The following ETNK1 variants were observed in gnomAD, a reference collection of about 807,000 sequenced individuals.
ETNK1 encodes the protein putative protein product of Nbla10396.
ETNK1 carries 8 observed loss-of-function variants against 45.1 expected under a neutral mutation model. That is an observed-to-expected ratio of 0.18 (90% CI 0.10 to 0.32). The LOEUF (loss-of-function observed/expected upper bound fraction) is 0.32. ETNK1 is among the 10% of genes least tolerant of loss of function. ETNK1 has a pLI of 1.00. For synonymous variants in ETNK1, 152 were observed against 151.9 expected, an observed-to-expected ratio of 1.00 and a Z score of -0.01; for missense variants, 302 against 430.6, an observed-to-expected ratio of 0.70 and a Z score of 2.64.
chr12:22,639,859 T>G (rs1238110653), intron 1 of ETNK1, among the ~76,000 whole-genome samples: 1 of 152,232 alleles, frequency 6.6e-6, no homozygotes, highest in African/African-American at 2.4e-5. Context: ...TTTTATTCAT[T>G]GAAGATTGTT....
At chr12:22,679,968 A>G (rs375461958) in intron 6 of ETNK1, among the ~76,000 whole-genome samples, 2 of 152,246 alleles carry the variant, frequency 1.3e-5, no homozygotes, top group South Asian at 4.1e-4. Flanking sequence ...TTGGGATTAC[A>G]GGTGTGAGCC....
intron 2 of ETNK1, among the ~76,000 whole-genome samples, chr12:22,649,190 CTT>C (rs1030127574): frequency 1.3e-5 from 2 of 151,966 alleles, no homozygotes; most frequent in African/African-American, 4.8e-5. Context: ...TTGACAGTGT[CTT>C]TTGCAGAGTA....
intron 2 of ETNK1, chr12:22,656,774 T>C: frequency 1.0e-6 from 1 of 982,554 alleles, no homozygotes; most frequent in Non-Finnish European, 1.2e-6. Context: ...ATATTATTTT[T>C]CATTTATTTA....
rs1033118196 is a variant in ETNK1 at position 22,687,184 on chromosome 12, G to T, written c.*2230G>T. Reference sequence around the variant, plus strand: ...TTTTCCCCATTCTGGCTAGATTTTGGTTGTTGTGATGCTCCTACTTCCTGT... The same window carrying T: ...TTTTCCCCATTCTGGCTAGATTTTGTTTGTTGTGATGCTCCTACTTCCTGT... On this transcript the variant is annotated 3_prime_UTR_variant, in exon 8 of 8. Coordinates refer to ENST00000266517, the MANE Select transcript of ETNK1 (RefSeq NM_018638.5). 1 of 152,032 alleles carries T rather than the reference G, an allele frequency of 6.6e-6. No homozygotes were observed. Among genetic ancestry groups the T allele is most frequent in the South Asian group, 2.1e-4 (1 of 4,806 alleles). 9.4% of individuals were successfully genotyped at this position (152,032 alleles called of 1,614,324 possible). A position where few individuals can be genotyped will look rare whatever the true frequency, so the allele number is the denominator to read the frequency against.
rs1953972279 is a variant in ETNK1, at chr12:22,658,993, ATGCGGTTTTGTT to A, written c.417-19_417-8del. On this transcript the variant is annotated splice_polypyrimidine_tract_variant and intron_variant, in intron 2 of 7. Transcript: ENST00000266517. ...TTATGATACTTAAGTTTTTCTTTTT[ATGCGGTTTTGTT>A]TTAAACAGGCTAATAGCTCGTCAGC... 6.3e-7 allele frequency: 1 copy of A among 1,597,772 alleles called. No homozygotes were observed. Among genetic ancestry groups the A allele is most frequent in the African/African-American group, 1.4e-5 (1 of 73,822 alleles).
chr12:22,633,471 T>C (rs1411786415), intron 1 of ETNK1, among the ~76,000 whole-genome samples: 1 of 152,236 alleles, frequency 6.6e-6, no homozygotes, highest in African/African-American at 2.4e-5. Flanking sequence ...ATGTAGTTAT[T>C]ATAGGCTTTG....
intron 6 of ETNK1, among the ~76,000 whole-genome samples, chr12:22,675,774 A>AT (rs1232998929): frequency 2.6e-5 from 4 of 152,216 alleles, no homozygotes; most frequent in Non-Finnish European, 4.4e-5. Flanking sequence ...ATATTAATAA[A>AT]TGTCATACAT....
chr12:22,687,064 TC>T lies in ETNK1; in HGVS notation c.*2111del, dbSNP rs1954266529. The T allele has an allele frequency of 1.3e-5, 2 of 151,648 alleles. No individual in the cohort carries two copies. The highest frequency in any genetic ancestry group is 4.8e-5 in the African/African-American group (2 of 41,358). 9.4% of individuals were successfully genotyped at this position (151,648 alleles called of 1,614,324 possible). A position where few individuals can be genotyped will look rare whatever the true frequency, so the allele number is the denominator to read the frequency against. Reference sequence around the variant, plus strand: ...ACTATTGTAGGTTTTTTGGAGAGATTCATAGGGAAGTGAATGTAACCAGGAA... The same window carrying T: ...ACTATTGTAGGTTTTTTGGAGAGATTATAGGGAAGTGAATGTAACCAGGAA... On this transcript the variant is annotated 3_prime_UTR_variant, in exon 8 of 8. Coordinates refer to ENST00000266517, the MANE Select transcript of ETNK1 (RefSeq NM_018638.5).
chr12:22,646,940 G>A (rs776589163), intron 2 of ETNK1, among the ~76,000 whole-genome samples: 6 of 151,752 alleles, frequency 4.0e-5, no homozygotes, highest in Non-Finnish European at 8.9e-5. Context: ...ACAGGTAGTT[G>A]ATTTTGGGCA....
chr12:22,650,952 T>C (rs1462118271), intron 2 of ETNK1, among the ~76,000 whole-genome samples: 1 of 152,160 alleles, frequency 6.6e-6, no homozygotes, highest in African/African-American at 2.4e-5. Context: ...AGCAGCATTT[T>C]TATCTGGGGT....
At chr12:22,684,745 G>A in intron 7 of ETNK1, 137 bp from the exon 8 acceptor site, 1 of 748,092 alleles carries the variant, frequency 1.3e-6, no homozygotes, top group African/African-American at 1.8e-5. Flanking sequence ...TCCAGTAGGT[G>A]GTGCAATAAA....
chr12:22,643,190 T>C (rs1022196415), intron 1 of ETNK1, among the ~76,000 whole-genome samples: 2 of 152,068 alleles, frequency 1.3e-5, no homozygotes, highest in African/African-American at 4.8e-5. Context: ...AATTAATATA[T>C]AAAATTGAGT....
intron 1 of ETNK1, among the ~76,000 whole-genome samples, chr12:22,639,200 T>G (rs925860479): frequency 2.1e-4 from 32 of 152,242 alleles, no homozygotes; most frequent in Non-Finnish European, 8.8e-5. Flanking sequence ...CTTTGTGGTG[T>G]TTTTTAATTT....
At chr12:22,679,207 C>CCGA (rs1158786133) in intron 6 of ETNK1, among the ~76,000 whole-genome samples, 1 of 152,182 alleles carries the variant, frequency 6.6e-6, no homozygotes, top group Non-Finnish European at 1.5e-5. Flanking sequence ...ACCAGAAGAG[C>CCGA]CGACAGTGCT....
chr12:22,683,803 T>C (rs1954235467), intron 6 of ETNK1, among the ~76,000 whole-genome samples: 1 of 152,188 alleles, frequency 6.6e-6, no homozygotes, highest in South Asian at 2.1e-4. Flanking sequence ...AGAATATTTC[T>C]AGTTAGAATA....
At chr12:22,662,816 T>TA (rs1265914199) in intron 4 of ETNK1, among the ~76,000 whole-genome samples, 2 of 152,188 alleles carry the variant, frequency 1.3e-5, no homozygotes, top group Non-Finnish European at 2.9e-5. Context: ...ATAATTATAT[T>TA]AAATTACTGT....
Position 22,625,823 on chromosome 12 carries a change from C to T in ETNK1, c.156+237C>T, listed in dbSNP as rs573156345. 2.0e-5 allele frequency: 14 copies of T among 717,000 alleles called. No homozygotes were observed. In the Middle Eastern group the frequency reaches 1.8e-3, roughly 93 times the overall value. The allele number at this position is 717,000 out of a possible 1,614,324, so 44.4% of individuals were successfully genotyped here. On this transcript the variant is annotated intron_variant, in intron 1 of 7. Coordinates refer to ENST00000266517, the MANE Select transcript of ETNK1 (RefSeq NM_018638.5). ...CATTTTCTCTTTCTAGAAGCCGCTGCGTAAGTGACGGACCCATCCACGGGG... is the reference window on the plus strand; with the variant it reads ...CATTTTCTCTTTCTAGAAGCCGCTGTGTAAGTGACGGACCCATCCACGGGG...
chr12:22,660,211 C>T (rs1173415461), intron 3 of ETNK1, among the ~76,000 whole-genome samples: 1 of 151,932 alleles, frequency 6.6e-6, no homozygotes, highest in Non-Finnish European at 1.5e-5. Flanking sequence ...CTGTATTATA[C>T]TGTTAATGGA....
At chr12:22,645,700 T>G (rs947823149) in intron 2 of ETNK1, among the ~76,000 whole-genome samples, 1 of 151,284 alleles carries the variant, frequency 6.6e-6, no homozygotes, top group African/African-American at 2.4e-5. Context: ...TCTCAGACAT[T>G]TTTTTTTGGG....
Sources: allele counts gnomAD v4.1 joint callset (sites outside exome capture counted in the v4.1 genomes callset), GRCh38; gene constraint gnomAD v4.1.1; transcripts MANE v1.5; gene names NCBI Gene and HGNC (gene_info 2026-07-23, HGNC 2026-07-21).